CSMD3: variants seen among roughly 807,000 people sequenced by gnomAD.
CSMD3 encodes CUB and Sushi multiple domains 3, also known as CUB and sushi domain-containing protein 3.
Under a neutral mutation model 435.2 loss-of-function variants are expected in CSMD3, and 177 were observed. The observed-to-expected ratio is 0.41, with a 90% CI of 0.36 to 0.46. The LOEUF (loss-of-function observed/expected upper bound fraction) is 0.46. Among genes scored for constraint, CSMD3 ranks in the 20% least tolerant of loss-of-function variants. The probability of loss-of-function intolerance (pLI) is 0.34; values close to 1 mark genes in which losing one functional copy is unlikely to be tolerated. For missense variants in CSMD3, 4,265 were observed against 4,504.6 expected, an observed-to-expected ratio of 0.95 and a Z score of 1.52; for synonymous variants, 1,656 against 1,520.5, an observed-to-expected ratio of 1.09 and a Z score of -2.07.
intron 1 of CSMD3, among the ~76,000 whole-genome samples, chr8:113,325,326 G>T (rs1412009338): frequency 6.6e-6 from 1 of 152,144 alleles, no homozygotes; most frequent in Admixed American, 6.5e-5. Context: ...CCCAGTGAGA[G>T]ATAATTGAAT....
intron 22 of CSMD3, among the ~76,000 whole-genome samples, chr8:112,610,686 A>G (rs938546592): frequency 2.6e-5 from 4 of 152,172 alleles, no homozygotes; most frequent in Admixed American, 2.0e-4. Flanking sequence ...TTGCAAAATG[A>G]AAGAAAACAA....
chr8:112,809,076 C>A (rs151191265), intron 12 of CSMD3, among the ~76,000 whole-genome samples: 1 of 152,138 alleles, frequency 6.6e-6, no homozygotes, highest in Non-Finnish European at 1.5e-5. Context: ...TATTTTTCCC[C>A]TTTGAACTAA....
intron 22 of CSMD3, among the ~76,000 whole-genome samples, chr8:112,598,177 A>G (rs1223588259): frequency 1.5e-5 from 2 of 136,814 alleles, no homozygotes; most frequent in Non-Finnish European, 3.1e-5. Context: ...AAGTCTCAGG[A>G]TACAAAAACA....
At chr8:113,185,124 G>A (rs1204222754) in intron 3 of CSMD3, among the ~76,000 whole-genome samples, 1 of 152,020 alleles carries the variant, frequency 6.6e-6, no homozygotes, top group Non-Finnish European at 1.5e-5. Context: ...AATATAGGCT[G>A]CATTCACTGT....
At chr8:112,879,908 C>T (rs995778428) in intron 10 of CSMD3, among the ~76,000 whole-genome samples, 1 of 151,774 alleles carries the variant, frequency 6.6e-6, no homozygotes, top group Non-Finnish European at 1.5e-5. Flanking sequence ...CATCACACAC[C>T]TGGGCCTGTT....
intron 32 of CSMD3, among the ~76,000 whole-genome samples, chr8:112,452,782 C>G (rs1384656068): frequency 6.6e-6 from 1 of 152,136 alleles, no homozygotes; most frequent in Non-Finnish European, 1.5e-5. Flanking sequence ...CACATTCTAA[C>G]ACAGCTAACC....
intron 13 of CSMD3, among the ~76,000 whole-genome samples, chr8:112,786,778 T>A (rs1490198848): frequency 2.0e-5 from 3 of 152,098 alleles, no homozygotes; most frequent in African/African-American, 7.2e-5. Flanking sequence ...GGGATACATG[T>A]GCAGAATGTT....
intron 32 of CSMD3, among the ~76,000 whole-genome samples, chr8:112,466,925 T>C (rs145635447): frequency 6.6e-6 from 1 of 152,238 alleles, no homozygotes; most frequent in Non-Finnish European, 1.5e-5. Flanking sequence ...GTGAGTAATA[T>C]CCTAAGGAAA....
chr8:112,237,089 A>AAGC, intron 67 of CSMD3, 101 bp downstream of exon 67: 1 of 1,351,362 alleles, frequency 7.4e-7, no homozygotes. Context: ...AATGTATCAA[A>AAGC]ATAAACATTT....
At chr8:112,401,566 T>C (rs1172704244) in intron 35 of CSMD3, among the ~76,000 whole-genome samples, 3 of 152,196 alleles carry the variant, frequency 2.0e-5, no homozygotes, top group African/African-American at 7.2e-5. Context: ...ATTTTAACTT[T>C]GTTTTTATTT....
intron 5 of CSMD3, among the ~76,000 whole-genome samples, chr8:113,069,968 T>A (rs769136266): frequency 1.3e-5 from 2 of 152,102 alleles, no homozygotes; most frequent in Non-Finnish European, 2.9e-5. Context: ...TTTGTCTAAC[T>A]GAGAAACACA....
intron 3 of CSMD3, among the ~76,000 whole-genome samples, chr8:113,218,520 T>A (rs1180784172): frequency 2.1e-5 from 3 of 145,908 alleles, no homozygotes; most frequent in African/African-American, 7.5e-5. Flanking sequence ...ATCCCAGGAA[T>A]AGAAGGTTGG....
chr8:112,666,160 G>T, intron 17 of CSMD3, 117 bp downstream of exon 17: 1 of 841,546 alleles, frequency 1.2e-6, no homozygotes, highest in Non-Finnish European at 2.0e-6. Context: ...AGCATTCAAA[G>T]CACAGCAATT....
chr8:113,386,018 A>G (rs1056571323), intron 1 of CSMD3, among the ~76,000 whole-genome samples: 1 of 152,074 alleles, frequency 6.6e-6, no homozygotes, highest in Non-Finnish European at 1.5e-5. Context: ...TAAAGTTGAG[A>G]TAGTCAAATA....
chr8:112,295,960 A>G lies in CSMD3; in HGVS notation c.8487T>C (p.Ile2829=). ...TGTCTCTATATCCATAATTTTCTCC[A>G]ATGACTTGACCATTCACAATCAGTT... ...IPELIVNGQV[I]GENYGYRDTV... is the part of the protein sequence containing the mutation. Residue 2829 remains isoleucine, a synonymous_variant, in exon 54 of 71, where the codon ATT becomes ATC. Transcript: ENST00000297405. The G allele has an allele frequency of 1.2e-6, 2 of 1,613,658 alleles. No homozygotes were observed. Among genetic ancestry groups the G allele is most frequent in the Non-Finnish European group, 1.7e-6 (2 of 1,179,674 alleles).
chr8:112,747,122 A>G (rs1446937226), intron 13 of CSMD3, among the ~76,000 whole-genome samples: 1 of 137,732 alleles, frequency 7.3e-6, no homozygotes, highest in Non-Finnish European at 1.5e-5. Context: ...TTATTCCCAT[A>G]ATGTTCTCTC....
Position 112,528,829 on chromosome 8 carries a change from G to C in CSMD3, c.4565-11604C>G, listed in dbSNP as rs1405217015. Among the ~76,000 whole-genome samples, 3 of 152,050 alleles carry C rather than the reference G, an allele frequency of 2.0e-5. No individual in the cohort carries two copies. In the South Asian group the frequency reaches 6.2e-4, roughly 32 times the overall value. ...CACTCCTAGCTCCCAGCTTCTCCCAGAGGAGAAAGGCCTTGGTTTGCACAT... is the reference window on the plus strand; with the variant it reads ...CACTCCTAGCTCCCAGCTTCTCCCACAGGAGAAAGGCCTTGGTTTGCACAT... On this transcript the variant is annotated intron_variant, in intron 27 of 70. Transcript: ENST00000297405.
At chr8:113,082,951 C>T (rs1380606423) in intron 5 of CSMD3, among the ~76,000 whole-genome samples, 1 of 152,056 alleles carries the variant, frequency 6.6e-6, no homozygotes, top group African/African-American at 2.4e-5. Flanking sequence ...ATATGAGACA[C>T]TATTAAGCAA....
rs60929996 is a variant in CSMD3, at chr8:113,410,900, T to TGAAAGAAAGAAAGAAAGAAAGAAAGAAA, written c.178+25749_178+25776dup. Among the ~76,000 whole-genome samples the TGAAAGAAAGAAAGAAAGAAAGAAAGAAA allele has an allele frequency of 1.8e-3, 191 of 105,480 alleles. 1 individual carries two copies. Among genetic ancestry groups the TGAAAGAAAGAAAGAAAGAAAGAAAGAAA allele is most frequent in the Admixed American group, 2.2e-3 (20 of 9,296 alleles). The allele number at this position is 105,480 out of a possible 152,430, so 69.2% of individuals were successfully genotyped here. A position where few individuals can be genotyped will look rare whatever the true frequency, so the allele number is the denominator to read the frequency against. ...AGCCTTGTGACAGAGCAAAACCCTG[T>TGAAAGAAAGAAAGAAAGAAAGAAAGAAA]GAAAGAAAGAAAGAAAGAAAGAAAG... On this transcript the variant is annotated intron_variant, in intron 1 of 70. Coordinates refer to ENST00000297405, the MANE Select transcript of CSMD3 (RefSeq NM_198123.2).
Sources: allele counts gnomAD v4.1 joint callset (sites outside exome capture counted in the v4.1 genomes callset), GRCh38; gene constraint gnomAD v4.1.1; transcripts MANE v1.5; gene names NCBI Gene and HGNC (gene_info 2026-07-23, HGNC 2026-07-21).